DLC1: variants seen among roughly 807,000 people sequenced by gnomAD.
DLC1 encodes rho GTPase-activating protein 7.
DLC1 carries 54 observed loss-of-function variants against 140.3 expected under a neutral mutation model. That is an observed-to-expected ratio of 0.38 (90% CI 0.31 to 0.48). DLC1 has a LOEUF of 0.48. Among genes scored for constraint, DLC1 ranks in the 20% least tolerant of loss-of-function variants. DLC1 has a pLI of 0.96. For synonymous variants in DLC1, 986 were observed against 728.1 expected (o/e 1.35, Z -5.70); for missense variants, 2,536 against 1,907.0 (o/e 1.33, Z -6.14).
intron 4 of DLC1, among the ~76,000 whole-genome samples, chr8:13,307,764 A>G (rs1201603112): frequency 2.6e-5 from 4 of 152,180 alleles, no homozygotes; most frequent in Non-Finnish European, 5.9e-5. Flanking sequence ...GCAGAAATTC[A>G]CCACATCTTT....
rs147825808 is a variant in DLC1 at position 13,291,766 on chromosome 8, C to T, written c.1348+13503G>A. On this transcript the variant is annotated intron_variant, in intron 5 of 17. Transcript: ENST00000276297. ...TAGAAACCAAACCAACCAAACCAGA[C>T]CAAGCCTGAAACCCCTAAGGGTTAA... Among the ~76,000 whole-genome samples the T allele has an allele frequency of 3.9e-3, 596 of 152,218 alleles. 5 individuals carry two copies. Among genetic ancestry groups the T allele is most frequent in the Non-Finnish European group, 5.4e-3 (367 of 68,016 alleles).
At chr8:13,511,156 T>C (rs963016990) in intron 1 of DLC1, among the ~76,000 whole-genome samples, 2 of 152,200 alleles carry the variant, frequency 1.3e-5, no homozygotes, top group African/African-American at 2.4e-5. Flanking sequence ...TCATTTCCAT[T>C]AACAGGGCTG....
chr8:13,171,928 G>C (rs550626425), intron 5 of DLC1, among the ~76,000 whole-genome samples: 55 of 152,234 alleles, frequency 3.6e-4, no homozygotes, highest in African/African-American at 1.3e-3. Flanking sequence ...ACGGCTACGG[G>C]TATCTGAATG....
In DLC1 at chr8:13,417,062, A is replaced by G. The variant is rs201804563; in HGVS notation, c.1024-15443T>C. Among the ~76,000 whole-genome samples, 4 of 152,124 alleles carry G rather than the reference A, an allele frequency of 2.6e-5. No individual in the cohort carries two copies. In the East Asian group the frequency reaches 7.7e-4, roughly 29 times the overall value. On this transcript the variant is annotated intron_variant, in intron 2 of 17. Coordinates refer to ENST00000276297, the MANE Select transcript of DLC1 (RefSeq NM_182643.3). ...GGCTAGTTAAAATGACTGATCAGTA[A>G]ACAACAGAAATGTGTCAACAATTAT... is the stretch of plus-strand genomic sequence containing the variant.
chr8:13,180,709 A>G (rs1825984537), intron 5 of DLC1, among the ~76,000 whole-genome samples: 1 of 152,184 alleles, frequency 6.6e-6, no homozygotes, highest in South Asian at 2.1e-4. Flanking sequence ...TCAGTCCTTA[A>G]CATGCCTATA....
chr8:13,256,070 C>T (rs906316249), intron 5 of DLC1, among the ~76,000 whole-genome samples: 1 of 152,174 alleles, frequency 6.6e-6, no homozygotes, highest in African/African-American at 2.4e-5. Context: ...TAGATTATTA[C>T]TGAATTTCCC....
chr8:13,393,641 G>A lies in DLC1; in HGVS notation c.1226C>T (p.Thr409Ile), dbSNP rs756514489. ...SGADTISVNQ[T>I]RVNLSSDTES... is the part of the protein sequence containing the mutation. ...AGTGTCAGAAGACAAATTTACTCGTGTCTGATTTACTGAAATGGTATCTGC... is the reference window on the plus strand; with the variant it reads ...AGTGTCAGAAGACAAATTTACTCGTATCTGATTTACTGAAATGGTATCTGC... The change falls in exon 4 of 18, where the codon ACA (threonine) becomes ATA (isoleucine). Residue 409 changes from threonine (T) to isoleucine (I), a missense_variant. Physicochemically the swap from Thr to Ile is moderately conservative, Grantham distance 89 (BLOSUM62 -1). Coordinates refer to ENST00000276297, the MANE Select transcript of DLC1 (RefSeq NM_182643.3). The A allele has an allele frequency of 1.2e-6, 2 of 1,614,096 alleles. No individual in the cohort carries two copies. The highest frequency in any genetic ancestry group is 1.7e-6 in the Non-Finnish European group (2 of 1,180,014).
At chr8:13,293,812 C>T (rs928624467) in intron 5 of DLC1, among the ~76,000 whole-genome samples, 1 of 151,796 alleles carries the variant, frequency 6.6e-6, no homozygotes, top group Middle Eastern at 3.4e-3. Context: ...TTGTCATCTA[C>T]GTGTGTTGCT....
intron 5 of DLC1, among the ~76,000 whole-genome samples, chr8:13,295,041 G>A (rs1831895333): frequency 6.6e-6 from 1 of 152,158 alleles, no homozygotes; most frequent in Admixed American, 6.5e-5. Flanking sequence ...GCATTACCAA[G>A]GTGCGGGGAA....
At chr8:13,458,349 C>G (rs1424828850) in intron 2 of DLC1, among the ~76,000 whole-genome samples, 1 of 152,066 alleles carries the variant, frequency 6.6e-6, no homozygotes, top group East Asian at 1.9e-4. Context: ...GGTGACTTTC[C>G]CAGAATTAAA....
At chr8:13,266,296 A>G (rs1247696360) in intron 5 of DLC1, among the ~76,000 whole-genome samples, 2 of 152,194 alleles carry the variant, frequency 1.3e-5, no homozygotes, top group Non-Finnish European at 2.9e-5. Flanking sequence ...TGATGTTATC[A>G]TCCACATTCT....
At chr8:13,465,361 C>T (rs1799883253) in intron 2 of DLC1, among the ~76,000 whole-genome samples, 1 of 152,048 alleles carries the variant, frequency 6.6e-6, no homozygotes, top group African/African-American at 2.4e-5. Flanking sequence ...TATATTGATA[C>T]CTAGAATGTA....
intron 5 of DLC1, among the ~76,000 whole-genome samples, chr8:13,300,207 T>C (rs1832133384): frequency 6.6e-6 from 1 of 152,076 alleles, no homozygotes. Context: ...CCTCATATTC[T>C]CACTTATAAG....
chr8:13,413,414 C>G (rs1475411844), intron 2 of DLC1, among the ~76,000 whole-genome samples: 1 of 151,766 alleles, frequency 6.6e-6, no homozygotes, highest in Non-Finnish European at 1.5e-5. Flanking sequence ...ATATTTCTCT[C>G]TCTCTCTCCT....
chr8:13,475,868 C>G (rs1800413117), intron 2 of DLC1, among the ~76,000 whole-genome samples: 1 of 152,170 alleles, frequency 6.6e-6, no homozygotes, highest in Non-Finnish European at 1.5e-5. Flanking sequence ...TATGCAGACT[C>G]TTAAGACGAG....
chr8:13,357,520 A>C (rs1198096526), intron 4 of DLC1, among the ~76,000 whole-genome samples: 1 of 152,210 alleles, frequency 6.6e-6, no homozygotes, highest in Non-Finnish European at 1.5e-5. Flanking sequence ...CAGTGAAGTT[A>C]AGCCTGGGGT....
At chr8:13,505,635 C>G (rs893534928) in intron 1 of DLC1, among the ~76,000 whole-genome samples, 16 of 152,154 alleles carry the variant, frequency 1.1e-4, no homozygotes, top group Non-Finnish European at 2.2e-4. Flanking sequence ...ACAGCATCCC[C>G]TCGCAATTAC....
chr8:13,232,659 G>A (rs1219137277), intron 5 of DLC1, among the ~76,000 whole-genome samples: 4 of 152,282 alleles, frequency 2.6e-5, no homozygotes, highest in Non-Finnish European at 5.9e-5. Flanking sequence ...TGACAACAGA[G>A]CCCTAGCTAG....
At chr8:13,103,891 C>G (rs1199673912) in intron 7 of DLC1, among the ~76,000 whole-genome samples, 1 of 150,854 alleles carries the variant, frequency 6.6e-6, no homozygotes, top group Non-Finnish European at 1.5e-5. Context: ...TGTGATGTCT[C>G]CTTTCATAGA....
Sources: gnomAD v4.1 joint callset for allele counts (sites outside exome capture counted in the v4.1 genomes callset) on GRCh38, gnomAD v4.1.1 for gene constraint, MANE v1.5 for transcripts, NCBI Gene and HGNC (gene_info 2026-07-23, HGNC 2026-07-21) for gene names.